The following PCM1 variants were observed in gnomAD, a reference collection of about 807,000 sequenced individuals.
PCM1 encodes pericentriolar material 1.
A neutral mutation model predicts 241.9 loss-of-function variants in PCM1; 157 were observed. The ratio of observed to expected loss-of-function variants is 0.65; its 90% CI spans 0.57 to 0.74. The LOEUF is 0.74. Among genes scored for constraint, PCM1 ranks in the 30% least tolerant of loss-of-function variants. The pLI, the probability that PCM1 is intolerant of heterozygous loss-of-function variation, is 0.00. For synonymous variants in PCM1, 1,085 were observed against 784.9 expected, an observed-to-expected ratio of 1.38 and a Z score of -6.39; for missense variants, 3,478 against 2,360.1, an observed-to-expected ratio of 1.47 and a Z score of -9.81.
chr8:17,938,977 G>A lies in PCM1; in HGVS notation c.580G>A (p.Gly194Arg). The part of the protein sequence containing the change: ...LQNCQVSEED[G>R]RGEPAMESSQ... Reference sequence around the variant, plus strand: ...AAACTGTCAGGTGTCTGAAGAAGATGGGAGGGGAGAACCTGCAATGGAGAG... The same window carrying A: ...AAACTGTCAGGTGTCTGAAGAAGATAGGAGGGGAGAACCTGCAATGGAGAG... Residue 194 changes from glycine (G) to arginine (R), a missense_variant, in exon 5 of 39, where the codon GGG (glycine) becomes AGG (arginine). Physicochemically the swap from Gly to Arg is moderately radical, Grantham distance 125 (BLOSUM62 -2). Transcript: ENST00000325083. The A allele has an allele frequency of 6.2e-7, 1 of 1,613,662 alleles. No homozygotes were observed. Among genetic ancestry groups the A allele is most frequent in the South Asian group, 1.1e-5 (1 of 91,050 alleles).
intron 38 of PCM1, among the ~76,000 whole-genome samples, chr8:18,026,186 A>G (rs2094191510): frequency 6.7e-6 from 1 of 149,372 alleles, no homozygotes; most frequent in Non-Finnish European, 1.5e-5. Flanking sequence ...AAAAAAAAAA[A>G]AAAAAAAAAA....
intron 23 of PCM1, among the ~76,000 whole-genome samples, chr8:17,977,114 A>G (rs2079040834): frequency 6.6e-6 from 1 of 152,252 alleles, no homozygotes. Flanking sequence ...TGTTCATGTT[A>G]GAATAACATA....
intron 30 of PCM1, among the ~76,000 whole-genome samples, chr8:18,007,837 C>G (rs1032109170): frequency 5.9e-5 from 9 of 152,028 alleles, no homozygotes; most frequent in African/African-American, 1.9e-4. Context: ...ATAAGATAGT[C>G]TTTTGGTGGG....
At chr8:17,952,252 T>TAAATAAATAAATAAATAAATAAAA (rs1204384365) in intron 8 of PCM1, among the ~76,000 whole-genome samples, 2 of 128,348 alleles carry the variant, frequency 1.6e-5, no homozygotes, top group African/African-American at 5.4e-5. Context: ...AATAAATAAA[T>TAAATAAATAAATAAATAAATAAAA]AAAAAATAAA....
rs1200784064 is a variant in PCM1, at chr8:17,967,855, TTTC to T, written c.3412+688_3412+690del. Reference sequence around the variant, plus strand: ...AAGGAGAGCACATTTAGCTTAAGCTTTTCTTTGGATGGTTTTTTCTGCACTCAT... The same window carrying T: ...AAGGAGAGCACATTTAGCTTAAGCTTTTTGGATGGTTTTTTCTGCACTCAT... On this transcript the variant is annotated intron_variant, in intron 21 of 38. Coordinates refer to ENST00000325083, the MANE Select transcript of PCM1 (RefSeq NM_006197.4). 5.3e-5 allele frequency among the ~76,000 whole-genome samples: 8 copies of T among 152,224 alleles called. No homozygotes were observed. In the South Asian group the frequency reaches 1.2e-3, roughly 24 times the overall value.
At position 18,028,708 on chromosome 8, in the gene PCM1, C is replaced by CA. The variant is rs2094377036; in HGVS notation, c.*1052dup. 9.9e-6 allele frequency: 2 copies of CA among 202,020 alleles called. No individual in the cohort carries two copies. The highest frequency in any genetic ancestry group is 7.6e-5 in the East Asian group (1 of 13,108). The allele number at this position is 202,020 out of a possible 1,614,324, so 12.5% of individuals were successfully genotyped here. ...ACTGTCCATATACCCAGTAAGGCTT[C>CA]AAAAAACCAGTCAACAATGAGTAAG... On this transcript the variant is annotated 3_prime_UTR_variant, in exon 39 of 39. Coordinates refer to ENST00000325083, the MANE Select transcript of PCM1 (RefSeq NM_006197.4).
At chr8:17,983,678 A>T (rs1160536598) in intron 24 of PCM1, among the ~76,000 whole-genome samples, 1 of 152,172 alleles carries the variant, frequency 6.6e-6, no homozygotes, top group Non-Finnish European at 1.5e-5. Flanking sequence ...AAAGTCATCA[A>T]ACAAAACAAT....
In PCM1 at chr8:17,947,098, A is replaced by G. The variant is rs188689502; in HGVS notation, c.784-88A>G. The G allele has an allele frequency of 2.4e-5, 17 of 710,634 alleles. No individual in the cohort carries two copies. In the East Asian group the frequency reaches 4.4e-4, roughly 19 times the overall value. 44.0% of individuals were successfully genotyped at this position (710,634 alleles called of 1,614,324 possible). On this transcript the variant is annotated intron_variant, in intron 6 of 38. Coordinates refer to ENST00000325083, the MANE Select transcript of PCM1 (RefSeq NM_006197.4). ...AGGGTTGTATATTTAATAATTTGTT[A>G]TCAATGTGTATACTTTGCCATTGAT...
At position 18,014,785 on chromosome 8, in the gene PCM1, A is replaced by G. The variant is rs1292427844; in HGVS notation, c.5786A>G (p.Glu1929Gly). 3.1e-6 allele frequency: 5 copies of G among 1,608,116 alleles called. No homozygotes were observed. Among genetic ancestry groups the G allele is most frequent in the Non-Finnish European group, 4.2e-6 (5 of 1,179,090 alleles). Residue 1929 changes from glutamate (E) to glycine (G), a missense_variant, in exon 36 of 39, where the codon GAA (glutamate) becomes GGA (glycine). By Grantham distance (98) the Glu-to-Gly change is moderately conservative. Coordinates refer to ENST00000325083, the MANE Select transcript of PCM1 (RefSeq NM_006197.4). ...GTTAAATCTGCTCAGGAAACTCCTG[A>G]AAGCTCTCTGGCTGGAAGTCCTGAT... ...KEVKSAQETP[E>G]SSLAGSPDTE...
rs1297474823 is a variant in PCM1 at position 18,028,296 on chromosome 8, G to GTATC, written c.*637_*640dup. ...AATAAGTTTAGAACATAGGTTCTCA[G>GTATC]TATCTAGAACTTACATCATTATCAT... On this transcript the variant is annotated 3_prime_UTR_variant, in exon 39 of 39. Transcript: ENST00000325083. The GTATC allele has an allele frequency of 1.4e-5, 2 of 145,366 alleles. No individual in the cohort carries two copies. The highest frequency in any genetic ancestry group is 7.3e-5 in the African/African-American group (2 of 27,274). 9.0% of individuals were successfully genotyped at this position (145,366 alleles called of 1,614,324 possible). A position where few individuals can be genotyped will look rare whatever the true frequency, so the allele number is the denominator to read the frequency against.
chr8:18,009,430 CTA>C, intron 30 of PCM1, 115 bp from the exon 31 acceptor site: 1 of 668,228 alleles, frequency 1.5e-6, no homozygotes. Context: ...TACTAACAAC[CTA>C]TCTTTCCTTA....
intron 24 of PCM1, among the ~76,000 whole-genome samples, chr8:17,983,528 T>C (rs921231141): frequency 6.6e-6 from 1 of 152,218 alleles, no homozygotes; most frequent in African/African-American, 2.4e-5. Context: ...AACACATTCA[T>C]AAGGGTAACA....
intron 38 of PCM1, among the ~76,000 whole-genome samples, chr8:18,026,660 A>G (rs973934261): frequency 3.3e-5 from 5 of 151,886 alleles, no homozygotes; most frequent in African/African-American, 9.7e-5. Flanking sequence ...CCTCTTTTCT[A>G]CCCGATGACA....
At position 18,025,638 on chromosome 8, in the gene PCM1, C is replaced by G. The variant is rs1130732; in HGVS notation, c.6029C>G (p.Ser2010Cys). Residue 2010 changes from serine to cysteine, a missense_variant, in exon 38 of 39, where the codon TCT becomes TGT. Physicochemically the swap from Ser to Cys is moderately radical, Grantham distance 112. Coordinates refer to ENST00000325083, the MANE Select transcript of PCM1 (RefSeq NM_006197.4). ...CAGACCGAAGAATTAGCTGGAAATT[C>G]TGAGACACTAAAAGAACCTGGTAAG... ...EMQTEELAGNSETLKEPETVG... is the reference protein window; with the variant it reads ...EMQTEELAGNCETLKEPETVG... The G allele has an allele frequency of 2.6e-6, 4 of 1,563,238 alleles. No individual in the cohort carries two copies. The highest frequency in any genetic ancestry group is 2.3e-5 in the East Asian group (1 of 43,010).
At chr8:17,936,955 T>C (rs2060606352) in intron 3 of PCM1, among the ~76,000 whole-genome samples, 179 bp from the exon 4 acceptor site, 1 of 152,116 alleles carries the variant, frequency 6.6e-6, no homozygotes, top group Non-Finnish European at 1.5e-5. Flanking sequence ...AAAATTAAGG[T>C]AGATGTAATG....
chr8:18,001,756 T>C (rs759098351), intron 29 of PCM1, among the ~76,000 whole-genome samples: 1 of 152,158 alleles, frequency 6.6e-6, no homozygotes, highest in Non-Finnish European at 1.5e-5. Flanking sequence ...TGTGCTCATA[T>C]TTCTTCCCTC....
intron 36 of PCM1, among the ~76,000 whole-genome samples, chr8:18,017,872 AG>A (rs1564419890): frequency 6.6e-6 from 1 of 152,078 alleles, no homozygotes; most frequent in Non-Finnish European, 1.5e-5. Flanking sequence ...AAAGTTCCCA[AG>A]GGTTTGACTC....
chr8:17,990,783 A>T (rs1024309147), intron 27 of PCM1, among the ~76,000 whole-genome samples: 1 of 152,184 alleles, frequency 6.6e-6, no homozygotes, highest in Non-Finnish European at 1.5e-5. Context: ...TTTTTCCACT[A>T]TAAAGAAAAG....
chr8:17,974,786 G>C (rs1235848726), intron 23 of PCM1, among the ~76,000 whole-genome samples: 2 of 151,620 alleles, frequency 1.3e-5, no homozygotes, highest in Non-Finnish European at 2.9e-5. Context: ...AATACCTGCT[G>C]TTTGAAATGT....
Sources: allele counts gnomAD v4.1 joint callset (sites outside exome capture counted in the v4.1 genomes callset), GRCh38; gene constraint gnomAD v4.1.1; transcripts MANE v1.5; gene names NCBI Gene and HGNC (gene_info 2026-07-23, HGNC 2026-07-21).